Variants in TMEM106C observed in about 807,000 individuals in gnomAD.
The protein encoded by TMEM106C is endoplasmic reticulum membrane protein overexpressed in cancer.
A neutral mutation model predicts 30.8 loss-of-function variants in TMEM106C; 27 were observed. The observed-to-expected ratio is 0.88, with a 90% CI of 0.65 to 1.21. The LOEUF (loss-of-function observed/expected upper bound fraction) is 1.21, where lower values mean the gene tolerates loss of function less well. Among genes scored for constraint, TMEM106C ranks in the 50% most tolerant of loss-of-function variants. The probability of loss-of-function intolerance (pLI) is 0.00; values close to 1 mark genes in which losing one functional copy is unlikely to be tolerated. For synonymous variants in TMEM106C, 123 were observed against 118.8 expected (o/e 1.04, Z -0.23); for missense variants, 288 against 307.8 (o/e 0.94, Z 0.48).
At chr12:47,964,063 G>C in intron 1 of TMEM106C, 146 bp from the exon 2 acceptor site, 1 of 653,546 alleles carries the variant, frequency 1.5e-6, no homozygotes. Flanking sequence ...ACAAAATGAG[G>C]GTCCCGATAG....
rs772110035 is a variant in TMEM106C at position 47,964,377 on chromosome 12, T to C, written c.141T>C (p.Asp47=). Residue 47 remains aspartate, a synonymous_variant, in exon 2 of 8, where the codon GAT becomes GAC. Coordinates refer to ENST00000429772, the MANE Select transcript of TMEM106C (RefSeq NM_001143842.2). ...CATATGTGGAATTCACCGGGAGAGA[T>C]AGCATCACCTGTCTCACGTGCCAGG... The part of the protein sequence containing the change: ...QFPYVEFTGR[D]SITCLTCQGT... 5.6e-6 allele frequency: 9 copies of C among 1,614,128 alleles called. No individual in the cohort carries two copies. The South Asian group carries it at 6.6e-5, about 12-fold the overall frequency.
intron 7 of TMEM106C, 106 bp from the exon 8 acceptor site, chr12:47,968,027 C>A: frequency 1.4e-6 from 1 of 732,130 alleles, no homozygotes. Context: ...GTGCCTGGGG[C>A]CCGTGGGTAT....
intron 5 of TMEM106C, 72 bp downstream of exon 5, chr12:47,966,301 C>A: frequency 6.5e-7 from 1 of 1,543,064 alleles, no homozygotes; most frequent in Non-Finnish European, 8.8e-7. Context: ...AATGCCATAG[C>A]TGTGTCACTT....
chr12:47,966,195 A>G lies in TMEM106C; in HGVS notation c.518A>G (p.Asn173Ser). Residue 173 changes from asparagine to serine, a missense_variant, in exon 5 of 8, where the codon AAC becomes AGC. Coordinates refer to ENST00000429772, the MANE Select transcript of TMEM106C (RefSeq NM_001143842.2). ...GTGGTCAGTACATATGTGACTACTA[A>G]CGTCTCCCTTATTCCACCTCGGAGT... Reference protein sequence around the residue: ...NTVVSTYVTTNVSLIPPRSEQ... With the variant: ...NTVVSTYVTTSVSLIPPRSEQ... 1 of 1,614,166 alleles carries G rather than the reference A, an allele frequency of 6.2e-7. No individual in the cohort carries two copies. The highest frequency in any genetic ancestry group is 8.5e-7 in the Non-Finnish European group (1 of 1,180,034).
chr12:47,965,583 A>C, intron 3 of TMEM106C: 1 of 652,390 alleles, frequency 1.5e-6, no homozygotes, highest in Non-Finnish European at 2.7e-6. Flanking sequence ...GGGAAAGTGG[A>C]GTGTTCTGGG....
chr12:47,966,438 G>A (rs1938226578), intron 5 of TMEM106C: 1 of 706,718 alleles, frequency 1.4e-6, no homozygotes, highest in African/African-American at 1.8e-5. Flanking sequence ...AGAATAATTT[G>A]TAAGAGACAA....
In TMEM106C at chr12:47,968,295, G is replaced by A; in HGVS notation, c.*66G>A. 7.6e-7 allele frequency: 1 copy of A among 1,310,266 alleles called. No individual in the cohort carries two copies. The highest frequency in any genetic ancestry group is 1.1e-6 in the Non-Finnish European group (1 of 910,246). The allele number at this position is 1,310,266 out of a possible 1,614,324, so 81.2% of individuals were successfully genotyped here. On this transcript the variant is annotated 3_prime_UTR_variant, in exon 8 of 8. Transcript: ENST00000429772. ...AGCACAGCATATGTTCCCAAGGCCT[G>A]AGTTCTGGACCTACCCCCACGTGGT...
chr12:47,963,926 G>T, intron 1 of TMEM106C: 1 of 446,934 alleles, frequency 2.2e-6, no homozygotes, highest in Non-Finnish European at 4.1e-6. Context: ...GACCAGGTGG[G>T]AGCGGGGGTG....
In TMEM106C at chr12:47,967,252, T is replaced by G; in HGVS notation, c.647T>G (p.Ile216Ser). The change falls in exon 7 of 8, where the codon ATC (isoleucine) becomes AGC (serine). Residue 216 changes from isoleucine to serine, a missense_variant. By Grantham distance (142) the Ile-to-Ser change is moderately radical. Coordinates refer to ENST00000429772, the MANE Select transcript of TMEM106C (RefSeq NM_001143842.2). Reference sequence around the variant, plus strand: ...GAGATCCTGGTGCACAACATAGTGATCTTCATGCGGTGCGTCTCTCTTCCC... The same window carrying G: ...GAGATCCTGGTGCACAACATAGTGAGCTTCATGCGGTGCGTCTCTCTTCCC... ...VPEILVHNIVIFMRTSVKISY... is the reference protein window; with the variant it reads ...VPEILVHNIVSFMRTSVKISY... 6.2e-7 allele frequency: 1 copy of G among 1,614,192 alleles called. No homozygotes were observed. Among genetic ancestry groups the G allele is most frequent in the South Asian group, 1.1e-5 (1 of 91,080 alleles).
chr12:47,967,180 G>T, intron 6 of TMEM106C, 28 bp from the exon 7 acceptor site: 2 of 1,599,138 alleles, frequency 1.3e-6, no homozygotes, highest in South Asian at 1.1e-5. Flanking sequence ...AAAAAAAACT[G>T]ACTATTTCCA....
chr12:47,968,451 C>T lies in TMEM106C; in HGVS notation c.*222C>T. On this transcript the variant is annotated 3_prime_UTR_variant, in exon 8 of 8. Coordinates refer to ENST00000429772, the MANE Select transcript of TMEM106C (RefSeq NM_001143842.2). ...GAATCAGTGCCTAGCCTGTGCCCAG[C>T]AAATAGTTGGCACTCAATAAAGATT... is the stretch of plus-strand genomic sequence containing the variant. The T allele has an allele frequency of 1.6e-6, 1 of 626,920 alleles. No individual in the cohort carries two copies. 38.8% of individuals were successfully genotyped at this position (626,920 alleles called of 1,614,324 possible).
rs925906838 is a variant in TMEM106C, at chr12:47,964,566, A to G, written c.187+143A>G. Reference sequence around the variant, plus strand: ...CAGGAGCCAGCTCAACTGACTTAATACACTTGGGCAGTTCTGCAACTTCTC... The same window carrying G: ...CAGGAGCCAGCTCAACTGACTTAATGCACTTGGGCAGTTCTGCAACTTCTC... On this transcript the variant is annotated intron_variant, in intron 2 of 7. Coordinates refer to ENST00000429772, the MANE Select transcript of TMEM106C (RefSeq NM_001143842.2). 5.7e-6 allele frequency: 4 copies of G among 696,780 alleles called. No homozygotes were observed. In the African/African-American group the frequency reaches 7.1e-5, roughly 12 times the overall value. The allele number at this position is 696,780 out of a possible 1,614,324, so 43.2% of individuals were successfully genotyped here.
In TMEM106C at chr12:47,964,515, T is replaced by TA; in HGVS notation, c.187+93dup. ...AGACAACTTTTCTTCTAGGCAGTAATACCATAATAGAGACAGTGCCCTGGA... is the reference window on the plus strand; with the variant it reads ...AGACAACTTTTCTTCTAGGCAGTAATAACCATAATAGAGACAGTGCCCTGGA... On this transcript the variant is annotated intron_variant, in intron 2 of 7. Transcript: ENST00000429772. 2.4e-6 allele frequency: 3 copies of TA among 1,227,724 alleles called. No homozygotes were observed. The East Asian group carries it at 7.4e-5, about 30-fold the overall frequency. The allele number at this position is 1,227,724 out of a possible 1,614,324, so 76.1% of individuals were successfully genotyped here. A position where few individuals can be genotyped will look rare whatever the true frequency, so the allele number is the denominator to read the frequency against.
intron 5 of TMEM106C, 145 bp downstream of exon 5, chr12:47,966,374 G>A (rs1592186175): frequency 2.2e-6 from 2 of 919,842 alleles, no homozygotes; most frequent in East Asian, 5.2e-5. Context: ...GTTGGGCCCT[G>A]TAATTATAAA....
intron 3 of TMEM106C, chr12:47,965,598 G>A (rs1211181399): frequency 3.0e-6 from 2 of 670,686 alleles, no homozygotes; most frequent in Non-Finnish European, 2.6e-6. Flanking sequence ...TCTGGGAGGT[G>A]TGGGACTGTC....
chr12:47,964,096 A>T, intron 1 of TMEM106C, 113 bp from the exon 2 acceptor site: 1 of 829,322 alleles, frequency 1.2e-6, no homozygotes. Flanking sequence ...TGTTGGGACC[A>T]CACTCAGGGC....
chr12:47,967,234 T>C lies in TMEM106C; in HGVS notation c.629T>C (p.Leu210Pro). ...VYFFCTVPEI[L>P]VHNIVIFMRT... ...TTCTTCTGCACGGTACCTGAGATCC[T>C]GGTGCACAACATAGTGATCTTCATG... Residue 210 changes from leucine (L) to proline (P), a missense_variant, in exon 7 of 8, where the codon CTG becomes CCG. By Grantham distance (98) the Leu-to-Pro change is moderately conservative. Transcript: ENST00000429772. 1 of 1,614,172 alleles carries C rather than the reference T, an allele frequency of 6.2e-7. No individual in the cohort carries two copies. The highest frequency in any genetic ancestry group is 8.5e-7 in the Non-Finnish European group (1 of 1,180,032).
chr12:47,968,376 T>C lies in TMEM106C; in HGVS notation c.*147T>C, dbSNP rs1260723449. 7 of 709,828 alleles carry C rather than the reference T, an allele frequency of 9.9e-6. No homozygotes were observed. In the East Asian group the frequency reaches 1.9e-4, roughly 19 times the overall value. 44.0% of individuals were successfully genotyped at this position (709,828 alleles called of 1,614,324 possible). A position where few individuals can be genotyped will look rare whatever the true frequency, so the allele number is the denominator to read the frequency against. ...TCCCAGCAAACATCCTCCTGCCACTTAGGAGGAAACACCTCCCTATGGTAC... is the reference window on the plus strand; with the variant it reads ...TCCCAGCAAACATCCTCCTGCCACTCAGGAGGAAACACCTCCCTATGGTAC... On this transcript the variant is annotated 3_prime_UTR_variant, in exon 8 of 8. Transcript: ENST00000429772.
Position 47,968,305 on chromosome 12 carries a change from C to A in TMEM106C, c.*76C>A. 1 of 1,148,188 alleles carries A rather than the reference C, an allele frequency of 8.7e-7. No individual in the cohort carries two copies. The highest frequency in any genetic ancestry group is 1.3e-6 in the Non-Finnish European group (1 of 764,998). The allele number at this position is 1,148,188 out of a possible 1,614,324, so 71.1% of individuals were successfully genotyped here. A position where few individuals can be genotyped will look rare whatever the true frequency, so the allele number is the denominator to read the frequency against. ...ATGTTCCCAAGGCCTGAGTTCTGGA[C>A]CTACCCCCACGTGGTGTAAGCAGAG... is the stretch of plus-strand genomic sequence containing the variant. On this transcript the variant is annotated 3_prime_UTR_variant, in exon 8 of 8. Coordinates refer to ENST00000429772, the MANE Select transcript of TMEM106C (RefSeq NM_001143842.2).
Sources: allele counts gnomAD v4.1 joint callset, GRCh38; gene constraint gnomAD v4.1.1; transcripts MANE v1.5; gene names NCBI Gene and HGNC (gene_info 2026-07-23, HGNC 2026-07-21).